SYNE2: variants seen among roughly 807,000 people sequenced by gnomAD.
The protein encoded by SYNE2 is nesprin-2.
In SYNE2, 431 loss-of-function variants were observed where a neutral mutation model predicts 856.3. The observed-to-expected ratio is 0.50, with a 90% CI of 0.47 to 0.55. The LOEUF (loss-of-function observed/expected upper bound fraction) is 0.55, where lower values mean the gene tolerates loss of function less well. Ranked by LOEUF, SYNE2 falls within the 20% of genes least tolerant of loss-of-function variation. The pLI is 0.00. For missense variants in SYNE2, 8,129 were observed against 8,023.2 expected, an observed-to-expected ratio of 1.01 and a Z score of -0.50; for synonymous variants, 2,923 against 2,872.3, an observed-to-expected ratio of 1.02 and a Z score of -0.56.
chr14:64,078,398 T>C, intron 54 of SYNE2, 68 bp from the exon 55 acceptor site: 1 of 1,600,876 alleles, frequency 6.2e-7, no homozygotes, highest in Non-Finnish European at 8.5e-7. Context: ...ACCACTTTTG[T>C]TGTTCGAACC....
intron 111 of SYNE2, among the ~76,000 whole-genome samples, chr14:64,221,162 G>T (rs553900016): frequency 2.0e-5 from 3 of 152,246 alleles, no homozygotes; most frequent in African/African-American, 7.2e-5. Flanking sequence ...TGCACAGCGG[G>T]TGTGAGCTCT....
intron 1 of SYNE2, among the ~76,000 whole-genome samples, chr14:63,833,956 A>G (rs1452666986): frequency 1.3e-5 from 2 of 152,166 alleles, no homozygotes; most frequent in South Asian, 2.1e-4. Flanking sequence ...TTGAGTAACT[A>G]CTGTGTTGAG....
chr14:63,986,798 G>A (rs1594683493), intron 19 of SYNE2, among the ~76,000 whole-genome samples, 181 bp downstream of exon 19: 1 of 152,214 alleles, frequency 6.6e-6, no homozygotes, highest in Non-Finnish European at 1.5e-5. Context: ...TGAAAGCAGA[G>A]GATAGATTAG....
At chr14:63,924,223 G>A (rs955205406) in intron 2 of SYNE2, among the ~76,000 whole-genome samples, 3 of 152,136 alleles carry the variant, frequency 2.0e-5, no homozygotes, top group African/African-American at 4.8e-5. Flanking sequence ...CTATTATATA[G>A]ATCAACCCAT....
At chr14:63,906,208 G>A (rs1184086172) in intron 1 of SYNE2, among the ~76,000 whole-genome samples, 2 of 152,178 alleles carry the variant, frequency 1.3e-5, no homozygotes, top group African/African-American at 4.8e-5. Context: ...CAGTTTGCTA[G>A]TATTTTGTTG....
chr14:64,020,208 A>AC (rs1774253940), intron 35 of SYNE2, 115 bp downstream of exon 35: 1 of 746,184 alleles, frequency 1.3e-6, no homozygotes, highest in African/African-American at 1.8e-5. Flanking sequence ...GAAGAAAAAA[A>AC]CGGCCCAATT....
In SYNE2 at chr14:64,025,661, G is replaced by A. The variant is rs79152025; in HGVS notation, c.6252+240G>A. ...AGAGAGAGCAGTGTGCCTATTGTCC[G>A]TCTTCAATGAGTGCAGAAGAATTGA... On this transcript the variant is annotated intron_variant, in intron 41 of 115. Transcript: ENST00000555002. Among the ~76,000 whole-genome samples, 23 of 152,328 alleles carry A rather than the reference G, an allele frequency of 1.5e-4. No individual in the cohort carries two copies. In the East Asian group the frequency reaches 2.1e-3, roughly 14 times the overall value.
At chr14:64,164,911 A>G (rs1205012757) in intron 89 of SYNE2, among the ~76,000 whole-genome samples, 1 of 151,696 alleles carries the variant, frequency 6.6e-6, no homozygotes, top group Non-Finnish European at 1.5e-5. Flanking sequence ...ACAGGGAGAC[A>G]GGGTCTTATT....
intron 87 of SYNE2, among the ~76,000 whole-genome samples, chr14:64,161,358 AG>A (rs1377712172): frequency 6.6e-6 from 1 of 152,070 alleles, no homozygotes; most frequent in Non-Finnish European, 1.5e-5. Flanking sequence ...AAAAAAAAAA[AG>A]TAGGGAAGAA....
At chr14:63,948,770 G>GTGTGTATATATATATGTGTATATA (rs1555393662) in intron 6 of SYNE2, among the ~76,000 whole-genome samples, 2 of 79,708 alleles carry the variant, frequency 2.5e-5, no homozygotes, top group Non-Finnish European at 4.7e-5. Context: ...GTATATATAT[G>GTGTGTATATATATATGTGTATATA]TATGTGTGTG....
intron 47 of SYNE2, among the ~76,000 whole-genome samples, chr14:64,050,678 G>A (rs890225092): frequency 5.3e-5 from 8 of 151,994 alleles, no homozygotes; most frequent in Non-Finnish European, 1.2e-4. Context: ...GATGGCAAAT[G>A]GTATTAAATT....
chr14:64,148,348 A>G (rs1220623704), intron 84 of SYNE2, among the ~76,000 whole-genome samples: 1 of 152,176 alleles, frequency 6.6e-6, no homozygotes, highest in Non-Finnish European at 1.5e-5. Flanking sequence ...TTTTACCAAT[A>G]GAAAACCATT....
At chr14:64,001,043 T>C (rs2096750638) in intron 28 of SYNE2, among the ~76,000 whole-genome samples, 2 of 152,212 alleles carry the variant, frequency 1.3e-5, no homozygotes, top group Admixed American at 6.5e-5. Flanking sequence ...TCTATGGGCA[T>C]TGATCTCTTC....
intron 1 of SYNE2, among the ~76,000 whole-genome samples, chr14:63,856,404 C>T (rs1045962691): frequency 6.6e-6 from 1 of 152,190 alleles, no homozygotes; most frequent in Non-Finnish European, 1.5e-5. Context: ...AATCAAAAGA[C>T]AGTCCCTGTC....
chr14:63,871,497 C>T (rs536921264), intron 1 of SYNE2, among the ~76,000 whole-genome samples: 15 of 148,500 alleles, frequency 1.0e-4, no homozygotes, highest in Non-Finnish European at 1.8e-4. Flanking sequence ...CATGAGCCAC[C>T]GTGCCTGGCG....
At chr14:64,044,018 G>A (rs944311306) in intron 45 of SYNE2, among the ~76,000 whole-genome samples, 2 of 152,098 alleles carry the variant, frequency 1.3e-5, no homozygotes, top group African/African-American at 4.8e-5. Flanking sequence ...CCACCACACC[G>A]AGCAAATGCC....
chr14:63,852,762 A>G (rs532583878), upstream of SYNE2, among the ~76,000 whole-genome samples: 40 of 152,242 alleles, frequency 2.6e-4, no homozygotes, highest in South Asian at 8.3e-4. Context: ...GGGTAAGAAA[A>G]GGGTCGCGAA....
At chr14:64,054,243 AT>A (rs996906201) in intron 48 of SYNE2, among the ~76,000 whole-genome samples, 1 of 152,060 alleles carries the variant, frequency 6.6e-6, no homozygotes, top group Non-Finnish European at 1.5e-5. Flanking sequence ...AGCTCAGAAC[AT>A]TTTTAAAAAT....
At chr14:63,928,340 A>G (rs967130875) in intron 2 of SYNE2, among the ~76,000 whole-genome samples, 3 of 152,204 alleles carry the variant, frequency 2.0e-5, no homozygotes, top group African/African-American at 4.8e-5. Flanking sequence ...AGAGGGGGAC[A>G]TGTGTGACAT....
Sources: allele counts gnomAD v4.1 joint callset (sites outside exome capture counted in the v4.1 genomes callset), GRCh38; gene constraint gnomAD v4.1.1; transcripts MANE v1.5; gene names NCBI Gene and HGNC (gene_info 2026-07-23, HGNC 2026-07-21).